Variants in SLC15A2 observed in about 807,000 individuals in gnomAD.
The protein encoded by SLC15A2 is kidney H(+)/peptide cotransporter.
Under a neutral mutation model 95.5 loss-of-function variants are expected in SLC15A2, and 77 were observed. That is an observed-to-expected ratio of 0.81 (90% CI 0.67 to 0.97). The LOEUF (loss-of-function observed/expected upper bound fraction) is 0.97. Among genes scored for constraint, SLC15A2 ranks in the 50% least tolerant of loss-of-function variants. The probability of loss-of-function intolerance (pLI) is 0.00; values close to 1 mark genes in which losing one functional copy is unlikely to be tolerated. For synonymous variants in SLC15A2, 306 were observed against 306.9 expected (o/e 1.00, Z 0.03); for missense variants, 893 against 874.4 (o/e 1.02, Z -0.27).
chr3:121,902,348 A>T (rs1709536314), intron 3 of SLC15A2, among the ~76,000 whole-genome samples: 1 of 151,848 alleles, frequency 6.6e-6, no homozygotes, highest in Non-Finnish European at 1.5e-5. Context: ...TTTTTATTTT[A>T]ATTTAATTTT....
In SLC15A2 at chr3:121,915,676, T is replaced by A. The variant is rs1302337085; in HGVS notation, c.680T>A (p.Leu227His). The A allele has an allele frequency of 4.3e-6, 7 of 1,613,310 alleles. No homozygotes were observed. Among genetic ancestry groups the A allele is most frequent in the African/African-American group, 1.3e-5 (1 of 74,918 alleles). Residue 227 changes from leucine (L) to histidine (H), a missense_variant, in exon 7 of 22, where the codon CTC becomes CAC. Leu to His is a moderately conservative substitution (Grantham distance 99). Transcript: ENST00000489711. ...YALAFGVPGLLMVIALVVFAM... is the reference protein window; with the variant it reads ...YALAFGVPGLHMVIALVVFAM... ...TTGGCTTTTGGAGTTCCAGGACTGC[T>A]CATGGTAATTGCACTTGGTAAGTGC...
chr3:121,900,959 G>C (rs1433965613), intron 3 of SLC15A2, among the ~76,000 whole-genome samples: 1 of 149,390 alleles, frequency 6.7e-6, no homozygotes, highest in Non-Finnish European at 1.5e-5. Flanking sequence ...ACCCACCCCA[G>C]TCATTTATAT....
intron 3 of SLC15A2, among the ~76,000 whole-genome samples, chr3:121,898,856 G>A (rs980380250): frequency 1.3e-5 from 2 of 152,104 alleles, no homozygotes; most frequent in African/African-American, 4.8e-5. Flanking sequence ...GCCGATATAT[G>A]TTCATTATTC....
rs145579569 is a variant in SLC15A2, at chr3:121,915,623, G to A, written c.627G>A (p.Val209=). The A allele has an allele frequency of 1.8e-5, 29 of 1,612,958 alleles. No individual in the cohort carries two copies. The highest frequency in any genetic ancestry group is 2.4e-5 in the Non-Finnish European group (28 of 1,179,076). Residue 209 remains valine, a synonymous_variant, in exon 7 of 22, where the codon GTG becomes GTA. Transcript: ENST00000489711. The part of the protein sequence containing the change: ...TFITPMLRGD[V]QCFGEDCYAL... The stretch of plus-strand genomic sequence containing the variant: ...CCATCCCATTTTCTTTAGGAGATGT[G>A]CAATGTTTTGGAGAAGACTGCTATG...
intron 20 of SLC15A2, 70 bp downstream of exon 20, chr3:121,939,565 C>T: frequency 7.5e-7 from 1 of 1,341,870 alleles, no homozygotes; most frequent in South Asian, 1.7e-5. Flanking sequence ...AATTCTAGCA[C>T]TGACTTAAAT....
chr3:121,914,040 C>T (rs974757617), intron 5 of SLC15A2, among the ~76,000 whole-genome samples: 1 of 151,846 alleles, frequency 6.6e-6, no homozygotes, highest in Non-Finnish European at 1.5e-5. Context: ...GCTATCCTGT[C>T]CTGTCTTCCA....
chr3:121,937,653 G>T (rs959795557), intron 19 of SLC15A2, among the ~76,000 whole-genome samples: 2 of 152,078 alleles, frequency 1.3e-5, no homozygotes, highest in Admixed American at 6.5e-5. Context: ...GGTTATTTTA[G>T]TTATACATTC....
intron 6 of SLC15A2, 86 bp downstream of exon 6, chr3:121,915,403 C>T: frequency 1.1e-6 from 1 of 935,320 alleles, no homozygotes; most frequent in Non-Finnish European, 1.7e-6. Flanking sequence ...TCTATCATCT[C>T]CTTTTATAAG....
chr3:121,927,039 T>A (rs1393863330), intron 13 of SLC15A2, among the ~76,000 whole-genome samples: 1 of 152,240 alleles, frequency 6.6e-6, no homozygotes, highest in Non-Finnish European at 1.5e-5. Flanking sequence ...CCAGTATCTA[T>A]ACCCCCATTT....
At chr3:121,936,789 G>T (rs1381098831) in intron 19 of SLC15A2, among the ~76,000 whole-genome samples, 2 of 144,266 alleles carry the variant, frequency 1.4e-5, no homozygotes, top group Non-Finnish European at 3.0e-5. Flanking sequence ...TGTTATGTGT[G>T]AATTTGATCC....
chr3:121,927,890 A>G (rs1710152901), intron 14 of SLC15A2, 51 bp downstream of exon 14: 3 of 1,393,384 alleles, frequency 2.2e-6, no homozygotes, highest in Non-Finnish European at 3.1e-6. Flanking sequence ...TATCTTTCTT[A>G]TTTGCTCTTT....
intron 3 of SLC15A2, among the ~76,000 whole-genome samples, chr3:121,899,904 C>T (rs1036985892): frequency 6.6e-6 from 1 of 152,038 alleles, no homozygotes; most frequent in Non-Finnish European, 1.5e-5. Context: ...AATTCTTACT[C>T]ATTTTGAACT....
At chr3:121,906,848 C>G (rs150248616) in intron 3 of SLC15A2, among the ~76,000 whole-genome samples, 3 of 152,128 alleles carry the variant, frequency 2.0e-5, no homozygotes, top group Non-Finnish European at 4.4e-5. Context: ...TGGGGTTGCC[C>G]TTCTCGAGGA....
chr3:121,912,899 G>A, intron 4 of SLC15A2, 122 bp from the exon 5 acceptor site: 3 of 661,712 alleles, frequency 4.5e-6, no homozygotes, highest in South Asian at 4.3e-5. Flanking sequence ...GTACCCATGG[G>A]GTAGAAATGT....
In SLC15A2 at chr3:121,940,476, T is replaced by C. The variant is rs771274673; in HGVS notation, c.2001T>C (p.Ser667=). ...TCGTGCTTGTTGTGGCACAGTTCAG[T>C]GGCCTGGTACAGGTATGGATCTGAG... ...NIIVLVVAQF[S]GLVQWAEFIL... The change falls in exon 21 of 22, where the codon AGT becomes AGC. Residue 667 remains serine (S), a synonymous_variant. Coordinates refer to ENST00000489711, the MANE Select transcript of SLC15A2 (RefSeq NM_021082.4). 8.7e-6 allele frequency: 14 copies of C among 1,613,568 alleles called. No individual in the cohort carries two copies. In the South Asian group the frequency reaches 1.5e-4, roughly 18 times the overall value.
At chr3:121,936,210 G>A (rs1211556927) in intron 19 of SLC15A2, among the ~76,000 whole-genome samples, 1 of 152,162 alleles carries the variant, frequency 6.6e-6, no homozygotes, top group African/African-American at 2.4e-5. Flanking sequence ...TGGAATAGGT[G>A]TGGTGTGGTG....
intron 15 of SLC15A2, 68 bp from the exon 16 acceptor site, chr3:121,928,914 T>A: frequency 6.5e-7 from 1 of 1,536,210 alleles, no homozygotes; most frequent in Non-Finnish European, 8.9e-7. Context: ...CCTGAGATGC[T>A]ACATCGTGAT....
intron 3 of SLC15A2, among the ~76,000 whole-genome samples, chr3:121,901,364 T>C (rs2332054): frequency 0.45 from 68,036 of 152,052 alleles, 15,756 homozygotes; most frequent in East Asian, 0.69. Context: ...GCCTAGCAGA[T>C]AGGCCCACAG....
intron 3 of SLC15A2, among the ~76,000 whole-genome samples, chr3:121,899,292 T>G (rs932028088): frequency 6.6e-6 from 1 of 152,110 alleles, no homozygotes; most frequent in Non-Finnish European, 1.5e-5. Context: ...TTACATAAAG[T>G]ACACAAATTC....
Sources: allele counts gnomAD v4.1 joint callset (sites outside exome capture counted in the v4.1 genomes callset), GRCh38; gene constraint gnomAD v4.1.1; transcripts MANE v1.5; gene names NCBI Gene and HGNC (gene_info 2026-07-23, HGNC 2026-07-21).